RASA3: variants seen among roughly 807,000 people sequenced by gnomAD.
RASA3 encodes ras GTPase-activating protein 3.
RASA3 carries 73 observed loss-of-function variants against 110.0 expected under a neutral mutation model. That is an observed-to-expected ratio of 0.66 (90% CI 0.55 to 0.81). The LOEUF (loss-of-function observed/expected upper bound fraction) is 0.81, where lower values mean the gene tolerates loss of function less well. RASA3 is among the 30% of genes least tolerant of loss of function. RASA3 has a pLI of 0.00. For missense variants in RASA3, 976 were observed against 1,113.2 expected (o/e 0.88, Z 1.75); for synonymous variants, 500 against 451.4 (o/e 1.11, Z -1.37).
intron 7 of RASA3, among the ~76,000 whole-genome samples, chr13:114,026,077 C>T (rs1161843229): frequency 6.6e-6 from 1 of 152,248 alleles, no homozygotes; most frequent in Non-Finnish European, 1.5e-5. Context: ...TTCAGACTGT[C>T]TGTGGTCACT....
intron 4 of RASA3, among the ~76,000 whole-genome samples, chr13:114,039,129 C>T (rs2054340564): frequency 6.6e-6 from 1 of 152,266 alleles, no homozygotes; most frequent in Non-Finnish European, 1.5e-5. Flanking sequence ...GCGGCCTGTG[C>T]TGGGACTCTG....
chr13:113,994,076 T>C (rs2053181408), intron 21 of RASA3, among the ~76,000 whole-genome samples: 1 of 152,236 alleles, frequency 6.6e-6, no homozygotes, highest in South Asian at 2.1e-4. Flanking sequence ...AATTCTTAAA[T>C]CATAAAATTT....
intron 14 of RASA3, 51 bp downstream of exon 14, chr13:114,015,158 C>A: frequency 1.2e-6 from 2 of 1,607,072 alleles, no homozygotes; most frequent in Non-Finnish European, 1.7e-6. Context: ...AGTCACCCTG[C>A]ACAGCGCTAT....
chr13:114,121,864 G>A (rs995551140), intron 1 of RASA3, among the ~76,000 whole-genome samples: 3 of 152,200 alleles, frequency 2.0e-5, no homozygotes, highest in Non-Finnish European at 4.4e-5. Context: ...GAGCTTCTCG[G>A]AATCTCTCTC....
chr13:113,999,515 A>T, intron 20 of RASA3, 70 bp downstream of exon 20: 1 of 1,255,136 alleles, frequency 8.0e-7, no homozygotes, highest in Non-Finnish European at 1.2e-6. Context: ...AGGGCCAGGT[A>T]CGGGAAGAGA....
intron 1 of RASA3, among the ~76,000 whole-genome samples, chr13:114,119,462 G>T (rs2080335409): frequency 6.6e-6 from 1 of 150,560 alleles, no homozygotes; most frequent in Non-Finnish European, 1.5e-5. Context: ...TCCCCCAGCA[G>T]CAGCGAGAGA....
intron 21 of RASA3, 29 bp from the exon 22 acceptor site, chr13:113,992,617 T>TA (rs771182260): frequency 6.7e-7 from 1 of 1,492,410 alleles, no homozygotes; most frequent in Admixed American, 1.7e-5. Context: ...AACAGAAAGA[T>TA]AAAAACACTT....
intron 1 of RASA3, among the ~76,000 whole-genome samples, chr13:114,132,100 C>G (rs1056786611): frequency 1.3e-5 from 2 of 152,360 alleles, no homozygotes; most frequent in Middle Eastern, 3.4e-3. Flanking sequence ...TGCAAACACG[C>G]GGGGCACACG....
intron 1 of RASA3, among the ~76,000 whole-genome samples, chr13:114,089,416 C>T (rs1484967497): frequency 2.6e-5 from 4 of 151,788 alleles, no homozygotes; most frequent in Admixed American, 6.6e-5. Context: ...GCATGGAGGG[C>T]AGGAGGCGGC....
intron 1 of RASA3, among the ~76,000 whole-genome samples, chr13:114,120,079 T>C (rs866308165): frequency 1.3e-3 from 104 of 80,196 alleles, no homozygotes; most frequent in Admixed American, 2.1e-3. Flanking sequence ...TCAGGGCCCC[T>C]CCCTCTCTCC....
chr13:114,048,301 A>C lies in RASA3; in HGVS notation c.277+3751T>G, dbSNP rs1410028817. On this transcript the variant is annotated intron_variant, in intron 3 of 23. Coordinates refer to ENST00000334062, the MANE Select transcript of RASA3 (RefSeq NM_007368.4). This position sits in a 1 kb window ranked among gnomAD's most constrained non-coding sequence, Gnocchi z 4.3. ...CTGCCCTCCAGCCTGGGCGACAGAA[A>C]GAGACTCCGTCTCAAAAAAAAAAAA... Among the ~76,000 whole-genome samples the C allele has an allele frequency of 2.0e-5, 3 of 149,954 alleles. No homozygotes were observed. Among genetic ancestry groups the C allele is most frequent in the South Asian group, 2.1e-4 (1 of 4,744 alleles).
rs78612397 is a variant in RASA3, at chr13:114,030,567, C to T, written c.373-680G>A. ...AGACTCACACAGACAGCAAGGCTCA[C>T]GGGGGCTTCTAGCAGAGCAGACAGC... On this transcript the variant is annotated intron_variant, in intron 4 of 23. Coordinates refer to ENST00000334062, the MANE Select transcript of RASA3 (RefSeq NM_007368.4). Among the ~76,000 whole-genome samples the T allele has an allele frequency of 1.8e-3, 266 of 151,160 alleles. 8 individuals carry two copies. The highest frequency in any genetic ancestry group is 6.2e-3 in the African/African-American group (251 of 40,476).
chr13:114,000,898 A>G lies in RASA3; in HGVS notation c.1777T>C (p.Phe593Leu). ...MIKRAQGRKR[F>L]GMKNFKKRWF... The stretch of plus-strand genomic sequence containing the variant: ...CTCTTCTTAAAATTCTTCATCCCAA[A>G]GCGCTTCCGTCCTTGGGCCCTCTTG... The change falls in exon 19 of 24, where the codon TTT (phenylalanine) becomes CTT (leucine). Residue 593 changes from phenylalanine (F) to leucine (L), a missense_variant. This residue lies in a region of RASA3 where 109 missense variants were observed against 162.5 expected (regional missense o/e 0.67). Coordinates refer to ENST00000334062, the MANE Select transcript of RASA3 (RefSeq NM_007368.4). The G allele has an allele frequency of 6.2e-7, 1 of 1,613,840 alleles. No individual in the cohort carries two copies. Among genetic ancestry groups the G allele is most frequent in the Admixed American group, 1.7e-5 (1 of 60,024 alleles).
At chr13:114,015,051 C>T (rs565716286) in intron 14 of RASA3, among the ~76,000 whole-genome samples, 158 bp downstream of exon 14, 4 of 152,250 alleles carry the variant, frequency 2.6e-5, no homozygotes, top group Admixed American at 2.0e-4. Flanking sequence ...AACACTGGCC[C>T]GGGCACAAAC....
At chr13:114,027,794 G>A (rs1370393831) in intron 6 of RASA3, 53 bp downstream of exon 6, 2 of 1,553,228 alleles carry the variant, frequency 1.3e-6, no homozygotes, top group African/African-American at 1.4e-5. Flanking sequence ...TTTCAGAGCT[G>A]GACCCTAGCC....
chr13:113,999,249 C>T (rs538064950), intron 20 of RASA3, among the ~76,000 whole-genome samples: 49 of 152,326 alleles, frequency 3.2e-4, no homozygotes, highest in African/African-American at 1.1e-3. Context: ...GAATTCCAGA[C>T]GGTCCCAAGC....
At chr13:114,059,644 C>T (rs1264542170) in intron 2 of RASA3, among the ~76,000 whole-genome samples, 1 of 152,244 alleles carries the variant, frequency 6.6e-6, no homozygotes, top group African/African-American at 2.4e-5. Context: ...CCCAAAGCGG[C>T]CTCCCCAGGA....
chr13:113,995,221 T>C (rs2053204554), intron 21 of RASA3, among the ~76,000 whole-genome samples: 1 of 152,220 alleles, frequency 6.6e-6, no homozygotes, highest in African/African-American at 2.4e-5. Context: ...CCAGGTTTTC[T>C]CTCCTCGTCA....
intron 1 of RASA3, 22 bp from the exon 2 acceptor site, chr13:114,073,859 C>A: frequency 6.4e-7 from 1 of 1,564,258 alleles, no homozygotes; most frequent in Non-Finnish European, 8.8e-7. Context: ...AAGCGACATA[C>A]ATCATCAGCA....
Sources: gnomAD v4.1 joint callset for allele counts (sites outside exome capture counted in the v4.1 genomes callset) on GRCh38, gnomAD v4.1.1 for gene constraint, gnomAD v4.1.1 regional missense constraint, Gnocchi (gnomAD v3.1) non-coding constraint, MANE v1.5 for transcripts, NCBI Gene and HGNC (gene_info 2026-07-23, HGNC 2026-07-21) for gene names.